The following PHKB variants were observed in gnomAD, a reference collection of about 807,000 sequenced individuals.
The protein encoded by PHKB is phosphorylase b kinase regulatory subunit beta.
In PHKB, 122 loss-of-function variants were observed where a neutral mutation model predicts 152.1. The observed-to-expected ratio is 0.80, with a 90% CI of 0.69 to 0.93. PHKB has a LOEUF of 0.93. Among genes scored for constraint, PHKB ranks in the 40% least tolerant of loss-of-function variants. The pLI is 0.00. For synonymous variants in PHKB, 436 were observed against 464.9 expected (o/e 0.94, Z 0.80); for missense variants, 1,304 against 1,328.4 (o/e 0.98, Z 0.29).
chr16:47,640,901 C>T (rs1011368820), intron 14 of PHKB, 134 bp from the exon 15 acceptor site: 25 of 794,092 alleles, frequency 3.1e-5, no homozygotes, highest in Middle Eastern at 2.5e-4. Flanking sequence ...GAAAGGTGGC[C>T]GCTGAGAGCC....
At chr16:47,526,092 G>T (rs929033090) in intron 6 of PHKB, among the ~76,000 whole-genome samples, 1 of 152,030 alleles carries the variant, frequency 6.6e-6, no homozygotes, top group Non-Finnish European at 1.5e-5. Flanking sequence ...CCTCTAACCA[G>T]GGCCTCAAAA....
intron 14 of PHKB, among the ~76,000 whole-genome samples, chr16:47,629,020 A>G (rs1399370822): frequency 6.6e-6 from 1 of 152,224 alleles, no homozygotes; most frequent in African/African-American, 2.4e-5. Flanking sequence ...ACAAAAATCA[A>G]TTCAAGATGG....
chr16:47,541,568 C>T (rs1971060120), intron 6 of PHKB, among the ~76,000 whole-genome samples: 1 of 152,218 alleles, frequency 6.6e-6, no homozygotes, highest in Non-Finnish European at 1.5e-5. Flanking sequence ...TGAGGAATCA[C>T]CACACTGTCT....
intron 14 of PHKB, among the ~76,000 whole-genome samples, chr16:47,626,128 C>T (rs1485819401): frequency 1.3e-5 from 2 of 152,202 alleles, no homozygotes; most frequent in Non-Finnish European, 2.9e-5. Context: ...GTGTATAAAA[C>T]TGTTAAATTC....
chr16:47,682,795 G>A lies in PHKB; in HGVS notation c.2631-6246G>A, dbSNP rs149215115. 5.8e-4 allele frequency among the ~76,000 whole-genome samples: 88 copies of A among 152,278 alleles called. 1 individual carries two copies. In the East Asian group the frequency reaches 0.014, roughly 25 times the overall value. ...GTCATTCTCTGTCCAGCTTTGTTCCGTTGCTGGTGAGGAGCTGCATTCCTT... is the reference window on the plus strand; with the variant it reads ...GTCATTCTCTGTCCAGCTTTGTTCCATTGCTGGTGAGGAGCTGCATTCCTT... On this transcript the variant is annotated intron_variant, in intron 26 of 30. Coordinates refer to ENST00000323584, the MANE Select transcript of PHKB (RefSeq NM_000293.3).
At chr16:47,636,452 C>T (rs1419676112) in intron 14 of PHKB, among the ~76,000 whole-genome samples, 1 of 152,154 alleles carries the variant, frequency 6.6e-6, no homozygotes, top group African/African-American at 2.4e-5. Context: ...TGCAGCTGCC[C>T]AGCCGCAGCT....
At chr16:47,548,940 C>T (rs1004439887) in intron 7 of PHKB, among the ~76,000 whole-genome samples, 1 of 152,086 alleles carries the variant, frequency 6.6e-6, no homozygotes, top group Non-Finnish European at 1.5e-5. Context: ...CATTTAGGAA[C>T]ATTTTAATAA....
intron 1 of PHKB, among the ~76,000 whole-genome samples, chr16:47,470,642 A>T (rs191449534): frequency 6.6e-6 from 1 of 152,282 alleles, no homozygotes; most frequent in East Asian, 1.9e-4. Flanking sequence ...AAGTAAAGTA[A>T]CTTACTTAAA....
intron 23 of PHKB, among the ~76,000 whole-genome samples, chr16:47,663,285 C>A (rs985360597): frequency 1.3e-5 from 2 of 152,036 alleles, no homozygotes; most frequent in African/African-American, 4.8e-5. Context: ...TTTTATTGAA[C>A]AAATAAATGA....
At chr16:47,678,870 C>G (rs1973789990) in intron 26 of PHKB, among the ~76,000 whole-genome samples, 1 of 152,192 alleles carries the variant, frequency 6.6e-6, no homozygotes, top group South Asian at 2.1e-4. Context: ...AATGGTATTG[C>G]CTAGGTTTTC....
chr16:47,636,114 T>G (rs910663740), intron 14 of PHKB, among the ~76,000 whole-genome samples: 6 of 152,168 alleles, frequency 3.9e-5, no homozygotes, highest in African/African-American at 1.4e-4. Context: ...AGAACCTGTT[T>G]GGGATGGAGG....
At chr16:47,579,678 G>A (rs1971809369) in intron 7 of PHKB, among the ~76,000 whole-genome samples, 2 of 152,058 alleles carry the variant, frequency 1.3e-5, no homozygotes, top group African/African-American at 4.8e-5. Flanking sequence ...TATAGTATAT[G>A]GCATTTGAGA....
At chr16:47,559,191 A>G (rs1335861137) in intron 7 of PHKB, among the ~76,000 whole-genome samples, 3 of 152,176 alleles carry the variant, frequency 2.0e-5, no homozygotes, top group African/African-American at 7.2e-5. Flanking sequence ...TTTTTACACA[A>G]ACAGTCCAAA....
In PHKB at chr16:47,580,319, T is replaced by C; in HGVS notation, c.735T>C (p.Ala245=). The C allele has an allele frequency of 4.3e-6, 7 of 1,612,984 alleles. No homozygotes were observed. The highest frequency in any genetic ancestry group is 2.2e-5 in the East Asian group (1 of 44,728). Residue 245 remains alanine, a synonymous_variant, in exon 8 of 31, where the codon GCT becomes GCC. Coordinates refer to ENST00000323584, the MANE Select transcript of PHKB (RefSeq NM_000293.3). ...GCTCGGTTGGTTTAGCAAAAGCAGC[T>C]CTAGAAGCAATTAATGGATTCAACC... ...HSSSVGLAKA[A]LEAINGFNLF...
intron 14 of PHKB, among the ~76,000 whole-genome samples, chr16:47,624,369 T>TAACC (rs1365081996): frequency 6.6e-6 from 1 of 152,334 alleles, no homozygotes; most frequent in South Asian, 2.1e-4. Context: ...GAAGAATGAA[T>TAACC]AACCCTATGT....
chr16:47,472,068 G>A (rs892753597), intron 1 of PHKB, among the ~76,000 whole-genome samples: 4 of 152,042 alleles, frequency 2.6e-5, no homozygotes, highest in Non-Finnish European at 5.9e-5. Flanking sequence ...AAAATAAAAA[G>A]TATATGTGCG....
intron 1 of PHKB, among the ~76,000 whole-genome samples, chr16:47,483,998 A>G (rs957228171): frequency 3.9e-5 from 6 of 152,206 alleles, no homozygotes; most frequent in African/African-American, 1.4e-4. Flanking sequence ...GAGTTCCAAA[A>G]CTTTATAGAA....
intron 14 of PHKB, among the ~76,000 whole-genome samples, chr16:47,626,657 G>C (rs1289087026): frequency 1.3e-5 from 2 of 152,180 alleles, no homozygotes. Context: ...CAGAGATTCT[G>C]CTTCTGGGAC....
intron 29 of PHKB, among the ~76,000 whole-genome samples, chr16:47,697,015 G>T (rs572260506): frequency 6.6e-6 from 1 of 152,258 alleles, no homozygotes; most frequent in South Asian, 2.1e-4. Context: ...TCATTGCATG[G>T]TGTATCACTG....
Sources: allele counts gnomAD v4.1 joint callset (sites outside exome capture counted in the v4.1 genomes callset), GRCh38; gene constraint gnomAD v4.1.1; transcripts MANE v1.5; gene names NCBI Gene and HGNC (gene_info 2026-07-23, HGNC 2026-07-21).